IMMP2L: variants seen among roughly 807,000 people sequenced by gnomAD.
IMMP2L encodes the protein mitochondrial inner membrane protease subunit 2.
Under a neutral mutation model 19.3 loss-of-function variants are expected in IMMP2L, and 18 were observed. The observed-to-expected ratio is 0.93, with a 90% CI of 0.64 to 1.38. The LOEUF is 1.38. IMMP2L is among the 40% of genes most tolerant of loss of function. The pLI is 0.00. For synonymous variants in IMMP2L, 76 were observed against 73.0 expected, an observed-to-expected ratio of 1.04 and a Z score of -0.21; for missense variants, 233 against 218.2, an observed-to-expected ratio of 1.07 and a Z score of -0.43.
chr7:110,692,918 C>T (rs901482871), intron 5 of IMMP2L, among the ~76,000 whole-genome samples: 1 of 152,098 alleles, frequency 6.6e-6, no homozygotes, highest in Non-Finnish European at 1.5e-5. Context: ...AGGAACCAGC[C>T]CAGTTTAAGA....
intron 3 of IMMP2L, among the ~76,000 whole-genome samples, chr7:111,482,335 G>A (rs2132220005): frequency 6.6e-6 from 1 of 152,226 alleles, no homozygotes; most frequent in East Asian, 1.9e-4. Flanking sequence ...AAAGCACTTA[G>A]CACAATGCTT....
At chr7:110,952,089 A>T (rs2129554268) in intron 4 of IMMP2L, among the ~76,000 whole-genome samples, 1 of 152,272 alleles carries the variant, frequency 6.6e-6, no homozygotes, top group South Asian at 2.1e-4. Flanking sequence ...TACTGAGATA[A>T]TTATACTTAC....
intron 3 of IMMP2L, among the ~76,000 whole-genome samples, chr7:111,341,231 C>T (rs568932746): frequency 1.9e-4 from 29 of 152,112 alleles, no homozygotes; most frequent in Admixed American, 7.2e-4. Context: ...AGTGATAATT[C>T]TGGTAGCCAA....
chr7:110,986,628 G>T (rs901188364), intron 3 of IMMP2L, among the ~76,000 whole-genome samples: 23 of 152,006 alleles, frequency 1.5e-4, no homozygotes, highest in African/African-American at 5.6e-4. Context: ...ATTTTTAAAA[G>T]ATAAATGAGA....
chr7:111,029,857 C>T lies in IMMP2L; in HGVS notation c.240-66292G>A, dbSNP rs1018192141. 3.9e-5 allele frequency among the ~76,000 whole-genome samples: 6 copies of T among 152,214 alleles called. No homozygotes were observed. In the South Asian group the frequency reaches 6.2e-4, roughly 16 times the overall value. On this transcript the variant is annotated intron_variant, in intron 3 of 5. Coordinates refer to ENST00000405709, the MANE Select transcript of IMMP2L (RefSeq NM_032549.4). ...TTTAAGAAAATTATTGCTAGTCAAA[C>T]GGAAGAACAGCTTTAAAAACACTGA...
chr7:111,374,043 G>C (rs1398797798), intron 3 of IMMP2L, among the ~76,000 whole-genome samples: 1 of 151,840 alleles, frequency 6.6e-6, no homozygotes, highest in Non-Finnish European at 1.5e-5. Context: ...TTACTCTGCA[G>C]CAAAGACCTC....
chr7:110,935,297 TTTTC>T (rs914153944), intron 4 of IMMP2L, among the ~76,000 whole-genome samples: 1 of 152,190 alleles, frequency 6.6e-6, no homozygotes, highest in East Asian at 1.9e-4. Flanking sequence ...TTGAAAATTC[TTTTC>T]TTTAAGAATG....
Position 110,735,681 on chromosome 7 carries a change from T to TACACACACACAC in IMMP2L, c.409-71972_409-71961dup, listed in dbSNP as rs3051068. Among the ~76,000 whole-genome samples the TACACACACACAC allele has an allele frequency of 1.1e-3, 126 of 114,798 alleles. 3 individuals are homozygous for TACACACACACAC. The highest frequency in any genetic ancestry group is 8.0e-3 in the South Asian group (24 of 3,000). 75.3% of individuals were successfully genotyped at this position (114,798 alleles called of 152,430 possible). ...TATATATATATATATAGTAGACAAA[T>TACACACACACAC]ACACACACACACACACACACACACA... On this transcript the variant is annotated intron_variant, in intron 5 of 5. Coordinates refer to ENST00000405709, the MANE Select transcript of IMMP2L (RefSeq NM_032549.4).
At chr7:111,155,423 G>C (rs1189355247) in intron 3 of IMMP2L, among the ~76,000 whole-genome samples, 3 of 152,056 alleles carry the variant, frequency 2.0e-5, no homozygotes, top group Admixed American at 2.0e-4. Flanking sequence ...ATACTATTTA[G>C]ATCTTCTCTG....
chr7:110,870,606 G>GA lies in IMMP2L; in HGVS notation c.408+15986dup, dbSNP rs1277489122. On this transcript the variant is annotated intron_variant, in intron 5 of 5. Coordinates refer to ENST00000405709, the MANE Select transcript of IMMP2L (RefSeq NM_032549.4). The surrounding 1 kb of genome is among the most constrained non-coding windows in gnomAD (Gnocchi z 4.2). Reference sequence around the variant, plus strand: ...TGTGTTCCATTTTGTTAGATGCACAGAAAAAACTCTTCCCTGAAGTGGGGA... The same window carrying GA: ...TGTGTTCCATTTTGTTAGATGCACAGAAAAAAACTCTTCCCTGAAGTGGGGA... Among the ~76,000 whole-genome samples, 1 of 152,130 alleles carries GA rather than the reference G, an allele frequency of 6.6e-6. No homozygotes were observed. The highest frequency in any genetic ancestry group is 1.5e-5 in the Non-Finnish European group (1 of 68,018).
intron 5 of IMMP2L, among the ~76,000 whole-genome samples, chr7:110,841,423 G>A (rs1046210223): frequency 3.3e-5 from 5 of 151,868 alleles, no homozygotes; most frequent in Non-Finnish European, 5.9e-5. Flanking sequence ...ATCTATGCAC[G>A]AAAATTAATG....
At chr7:111,122,743 C>T (rs773540502) in intron 3 of IMMP2L, 4 of 1,560,792 alleles carry the variant, frequency 2.6e-6, no homozygotes, top group South Asian at 1.2e-5. Flanking sequence ...TCCTTAAGGG[C>T]CCATTACATT....
At chr7:111,316,576 C>G (rs1392936280) in intron 3 of IMMP2L, among the ~76,000 whole-genome samples, 1 of 151,684 alleles carries the variant, frequency 6.6e-6, no homozygotes, top group African/African-American at 2.4e-5. Flanking sequence ...GCTACGAGGG[C>G]CATAAATTTA....
intron 3 of IMMP2L, among the ~76,000 whole-genome samples, chr7:111,385,920 G>C (rs1831701991): frequency 1.3e-5 from 2 of 151,418 alleles, no homozygotes; most frequent in Non-Finnish European, 2.9e-5. Flanking sequence ...TGCTCCACAT[G>C]AATTTTTTTT....
At chr7:110,799,260 C>G (rs1204468091) in intron 5 of IMMP2L, among the ~76,000 whole-genome samples, 3 of 151,756 alleles carry the variant, frequency 2.0e-5, no homozygotes, top group Non-Finnish European at 4.4e-5. Context: ...AAGCTTAGAA[C>G]CAAAAACTGA....
At chr7:111,501,072 T>G (rs1388206981) in intron 2 of IMMP2L, among the ~76,000 whole-genome samples, 5 of 151,834 alleles carry the variant, frequency 3.3e-5, no homozygotes, top group Admixed American at 3.3e-4. Context: ...TTAAAAACTT[T>G]GAAAAAAAAT....
intron 4 of IMMP2L, among the ~76,000 whole-genome samples, chr7:110,909,926 C>CAGAG (rs139251144): frequency 0.021 from 3,122 of 145,802 alleles, 111 homozygotes; most frequent in African/African-American, 0.071. Context: ...GAGAGATAGA[C>CAGAG]AGAGAGAGAG....
At chr7:110,981,787 G>T (rs1182406711) in intron 3 of IMMP2L, among the ~76,000 whole-genome samples, 4 of 151,864 alleles carry the variant, frequency 2.6e-5, no homozygotes, top group Non-Finnish European at 5.9e-5. Context: ...CTCTAAATCT[G>T]GTCCTCTTCC....
intron 3 of IMMP2L, among the ~76,000 whole-genome samples, chr7:111,046,864 C>T (rs1792448639): frequency 6.6e-6 from 1 of 152,108 alleles, no homozygotes; most frequent in African/African-American, 2.4e-5. Flanking sequence ...ACTGAGTACT[C>T]GGGCATTGGG....
Sources: allele counts gnomAD v4.1 joint callset (sites outside exome capture counted in the v4.1 genomes callset), GRCh38; gene constraint gnomAD v4.1.1; non-coding constraint Gnocchi (gnomAD v3.1); transcripts MANE v1.5; gene names NCBI Gene and HGNC (gene_info 2026-07-23, HGNC 2026-07-21).